The following JPH1 variants were observed in gnomAD, a reference collection of about 807,000 sequenced individuals.
JPH1 encodes junctophilin 1.
JPH1 carries 12 observed loss-of-function variants against 53.6 expected under a neutral mutation model. The observed-to-expected ratio is 0.22, with a 90% CI of 0.14 to 0.36. The LOEUF is 0.36. Ranked by LOEUF, JPH1 falls within the 10% of genes least tolerant of loss-of-function variation. The probability of loss-of-function intolerance (pLI) is 1.00; values close to 1 mark genes in which losing one functional copy is unlikely to be tolerated. For missense variants in JPH1, 808 were observed against 905.5 expected (o/e 0.89, Z 1.38); for synonymous variants, 375 against 363.8 (o/e 1.03, Z -0.35).
chr8:74,271,347 T>C (rs1221269997), intron 2 of JPH1, among the ~76,000 whole-genome samples: 1 of 152,200 alleles, frequency 6.6e-6, no homozygotes, highest in Admixed American at 6.5e-5. Context: ...ACAGCTACTT[T>C]AGTGGGGTCT....
intron 2 of JPH1, among the ~76,000 whole-genome samples, chr8:74,268,740 C>T (rs1806611915): frequency 6.6e-6 from 1 of 152,060 alleles, no homozygotes; most frequent in African/African-American, 2.4e-5. Context: ...TGCTTCTTGT[C>T]CTTTACCAAT....
rs16938872 is a variant in JPH1 at position 74,315,650 on chromosome 8, G to A, written c.380-30C>T. 0.19 allele frequency: 302,819 copies of A among 1,559,228 alleles called. 31,918 individuals are homozygous for A. The highest frequency in any genetic ancestry group is 0.32 in the South Asian group (27,138 of 84,668). On this transcript the variant is annotated intron_variant, in intron 1 of 5. Transcript: ENST00000342232. This position sits in a 1 kb window ranked among gnomAD's most constrained non-coding sequence, Gnocchi z 6.3. Reference sequence around the variant, plus strand: ...GAGAGACCGCAAGAAAGCACCGTGAGTCGGGGGCAGAGCTGCACCGTCACC... The same window carrying A: ...GAGAGACCGCAAGAAAGCACCGTGAATCGGGGGCAGAGCTGCACCGTCACC...
chr8:74,270,112 G>A (rs957179578), intron 2 of JPH1, among the ~76,000 whole-genome samples: 1 of 151,008 alleles, frequency 6.6e-6, no homozygotes, highest in African/African-American at 2.4e-5. Flanking sequence ...AACGAGTTTC[G>A]GCTGACCTTC....
Position 74,294,289 on chromosome 8 carries a change from T to C in JPH1, c.1139+20572A>G, listed in dbSNP as rs1307935837. Among the ~76,000 whole-genome samples the C allele has an allele frequency of 2.0e-5, 3 of 152,100 alleles. No homozygotes were observed. The East Asian group carries it at 5.8e-4, about 29-fold the overall frequency. On this transcript the variant is annotated intron_variant, in intron 2 of 5. Transcript: ENST00000342232. Reference sequence around the variant, plus strand: ...TCTGCACTTCTCTCAAGCAGCTGAGTAATAAAACTGATAAATCAAACCTAC... The same window carrying C: ...TCTGCACTTCTCTCAAGCAGCTGAGCAATAAAACTGATAAATCAAACCTAC...
chr8:74,307,780 G>A (rs970476061), intron 2 of JPH1, among the ~76,000 whole-genome samples: 16 of 152,176 alleles, frequency 1.1e-4, no homozygotes, highest in Admixed American at 9.2e-4. Flanking sequence ...TTACAGTACA[G>A]ACATAACGAT....
chr8:74,238,669 T>C (rs1415900287), intron 4 of JPH1, among the ~76,000 whole-genome samples: 4 of 152,188 alleles, frequency 2.6e-5, no homozygotes, highest in Non-Finnish European at 4.4e-5. Context: ...GTGGGTTGTT[T>C]TGTTTTGAGA....
intron 2 of JPH1, among the ~76,000 whole-genome samples, chr8:74,271,486 T>C (rs1342900632): frequency 2.0e-5 from 3 of 152,224 alleles, no homozygotes; most frequent in Non-Finnish European, 2.9e-5. Flanking sequence ...ACTTGTCTTC[T>C]GACATGACAA....
chr8:74,264,312 C>CT lies in JPH1; in HGVS notation c.1140-4810dup, dbSNP rs561202432. Among the ~76,000 whole-genome samples, 149 of 152,042 alleles carry CT rather than the reference C, an allele frequency of 9.8e-4. 1 individual carries two copies. Among genetic ancestry groups the CT allele is most frequent in the African/African-American group, 3.3e-3 (135 of 41,448 alleles). On this transcript the variant is annotated intron_variant, in intron 2 of 5. Transcript: ENST00000342232. ...GAATGTTAATTTTCTCCATAAATTC[C>CT]TTTTTTTTAAAGAGATAGGACGTGG...
At chr8:74,252,787 A>C (rs1391793587) in intron 3 of JPH1, among the ~76,000 whole-genome samples, 1 of 152,078 alleles carries the variant, frequency 6.6e-6, no homozygotes, top group Admixed American at 6.5e-5. Context: ...CAAAGATCAA[A>C]AGAGACAAGG....
At chr8:74,267,401 T>C (rs1439163397) in intron 2 of JPH1, among the ~76,000 whole-genome samples, 1 of 152,200 alleles carries the variant, frequency 6.6e-6, no homozygotes, top group Admixed American at 6.5e-5. Context: ...TTCTTGTTCT[T>C]GCATAAATCC....
At chr8:74,305,409 A>C (rs1467761407) in intron 2 of JPH1, among the ~76,000 whole-genome samples, 2 of 152,264 alleles carry the variant, frequency 1.3e-5, no homozygotes, top group Non-Finnish European at 2.9e-5. Context: ...TAAAATATGA[A>C]TGCAATCCCA....
At chr8:74,271,084 A>C (rs542315514) in intron 2 of JPH1, among the ~76,000 whole-genome samples, 19 of 152,208 alleles carry the variant, frequency 1.2e-4, no homozygotes, top group Non-Finnish European at 2.6e-4. Context: ...TACTCTAGGC[A>C]CAACGGGAAT....
At chr8:74,252,895 GT>G (rs1216686176) in intron 3 of JPH1, among the ~76,000 whole-genome samples, 1 of 152,002 alleles carries the variant, frequency 6.6e-6, no homozygotes, top group Non-Finnish European at 1.5e-5. Flanking sequence ...CATAAAGCAA[GT>G]CCTTAGTGAC....
intron 2 of JPH1, among the ~76,000 whole-genome samples, chr8:74,290,446 A>T (rs368518026): frequency 1.3e-5 from 2 of 152,114 alleles, no homozygotes; most frequent in East Asian, 3.9e-4. Context: ...CCTCTTCAAG[A>T]AGAACTACAA....
chr8:74,319,485 G>A (rs527626098), intron 1 of JPH1, among the ~76,000 whole-genome samples: 1 of 152,068 alleles, frequency 6.6e-6, no homozygotes, highest in Non-Finnish European at 1.5e-5. Flanking sequence ...TGTGAAACTC[G>A]GGACTCAGCC....
chr8:74,293,710 C>T (rs1807408281), intron 2 of JPH1, among the ~76,000 whole-genome samples: 1 of 152,192 alleles, frequency 6.6e-6, no homozygotes. Flanking sequence ...TGATTTCTGG[C>T]AACCATAACT....
Position 74,257,904 on chromosome 8 carries a change from T to C in JPH1, c.1258+1481A>G, listed in dbSNP as rs74700668. ...AACCACCTTGGGTCCCTCCCCAGCC[T>C]TTCTCTTATAAAAACCGAATCTTCT... On this transcript the variant is annotated intron_variant, in intron 3 of 5. Transcript: ENST00000342232. Among the ~76,000 whole-genome samples the C allele has an allele frequency of 2.8e-3, 431 of 152,242 alleles. 1 individual carries two copies. The highest frequency in any genetic ancestry group is 9.7e-3 in the African/African-American group (403 of 41,532).
chr8:74,259,731 G>C lies in JPH1; in HGVS notation c.1140-228C>G, dbSNP rs966097337. Among the ~76,000 whole-genome samples the C allele has an allele frequency of 1.8e-4, 28 of 152,228 alleles. 1 individual carries two copies. The highest frequency in any genetic ancestry group is 1.5e-3 in the Admixed American group (23 of 15,282). ...GCCCTTCTCTCAAGGGAAATGAAAAGTAAGAGCAAGGTCTGTGTAGCTTGA... is the reference window on the plus strand; with the variant it reads ...GCCCTTCTCTCAAGGGAAATGAAAACTAAGAGCAAGGTCTGTGTAGCTTGA... On this transcript the variant is annotated intron_variant, in intron 2 of 5. Transcript: ENST00000342232.
intron 4 of JPH1, among the ~76,000 whole-genome samples, chr8:74,241,591 A>G (rs1340009454): frequency 6.6e-6 from 1 of 152,222 alleles, no homozygotes; most frequent in Non-Finnish European, 1.5e-5. Flanking sequence ...CATATTTAAA[A>G]CTGTAAGGAA....
Sources: gnomAD v4.1 joint callset for allele counts (sites outside exome capture counted in the v4.1 genomes callset) on GRCh38, gnomAD v4.1.1 for gene constraint, Gnocchi (gnomAD v3.1) non-coding constraint, MANE v1.5 for transcripts, NCBI Gene and HGNC (gene_info 2026-07-23, HGNC 2026-07-21) for gene names.